Variants in GJB6 observed in about 807,000 individuals in gnomAD.
GJB6 encodes the protein gap junction beta-6 protein.
A neutral mutation model predicts 5.4 loss-of-function variants in GJB6; 5 were observed. That is an observed-to-expected ratio of 0.92 (90% CI 0.48 to 1.93). The LOEUF (loss-of-function observed/expected upper bound fraction) is 1.93, where lower values mean the gene tolerates loss of function less well. Among genes scored for constraint, GJB6 ranks in the 30% most tolerant of loss-of-function variants. The pLI, the probability that GJB6 is intolerant of heterozygous loss-of-function variation, is 0.01. For missense variants in GJB6, 298 were observed against 326.9 expected (o/e 0.91, Z 0.68); for synonymous variants, 136 against 129.6 (o/e 1.05, Z -0.34).
In GJB6 at chr13:20,222,745, C is replaced by G. The variant is rs781689203; in HGVS notation, c.736G>C (p.Glu246Gln). ...TTTTGACCACTATCTGAAATCAGCT[C>G]ATTCATTTCATTCTGCTTACTCTCC... is the stretch of plus-strand genomic sequence containing the variant. The part of the protein sequence containing the change: ...LKESKQNEMN[E>Q]LISDSGQNAI... Residue 246 changes from glutamate (E) to glutamine (Q), a missense_variant, in exon 5 of 5, where the codon GAG (glutamate) becomes CAG (glutamine). Coordinates refer to ENST00000647029, the MANE Select transcript of GJB6 (RefSeq NM_001110219.3). 1 of 1,614,096 alleles carries G rather than the reference C, an allele frequency of 6.2e-7. No individual in the cohort carries two copies. Among genetic ancestry groups the G allele is most frequent in the Non-Finnish European group, 8.5e-7 (1 of 1,179,952 alleles).
chr13:20,223,123 C>G lies in GJB6; in HGVS notation c.358G>C (p.Asp120His), dbSNP rs193292569. Reference protein sequence around the residue: ...EKRNDFKDIEDIKKQKVRIEG... With the variant: ...EKRNDFKDIEHIKKQKVRIEG... ...ATCCGAACCTTCTGCTTTTTAATGTCCTCTATGTCTTTGAAATCATTCCTC... is the reference window on the plus strand; with the variant it reads ...ATCCGAACCTTCTGCTTTTTAATGTGCTCTATGTCTTTGAAATCATTCCTC... The change falls in exon 5 of 5, where the codon GAC becomes CAC. Residue 120 changes from aspartate (D) to histidine (H), a missense_variant. By Grantham distance (81) the Asp-to-His change is moderately conservative. Coordinates refer to ENST00000647029, the MANE Select transcript of GJB6 (RefSeq NM_001110219.3). 1 of 1,614,158 alleles carries G rather than the reference C, an allele frequency of 6.2e-7. No individual in the cohort carries two copies. Among genetic ancestry groups the G allele is most frequent in the East Asian group, 2.2e-5 (1 of 44,886 alleles).
intron 4 of GJB6, among the ~76,000 whole-genome samples, chr13:20,227,448 A>T (rs1391713044): frequency 6.6e-6 from 1 of 152,136 alleles, no homozygotes; most frequent in East Asian, 1.9e-4. Context: ...TCCTCCTGCA[A>T]GAGCCACAAA....
chr13:20,226,632 A>G (rs1869597849), intron 4 of GJB6, among the ~76,000 whole-genome samples: 1 of 152,230 alleles, frequency 6.6e-6, no homozygotes, highest in South Asian at 2.1e-4. Flanking sequence ...TCTCAAAAGC[A>G]TTTCAAAATG....
rs104894414 is a variant in GJB6, at chr13:20,223,467, G to A, written c.14C>T (p.Thr5Met). The A allele has an allele frequency of 8.7e-6, 14 of 1,613,878 alleles. No individual in the cohort carries two copies. Among genetic ancestry groups the A allele is most frequent in the Middle Eastern group, 3.3e-4 (2 of 6,082 alleles). Residue 5 changes from threonine (T) to methionine (M), a missense_variant, in exon 5 of 5, where the codon ACG (threonine) becomes ATG (methionine). Coordinates refer to ENST00000647029, the MANE Select transcript of GJB6 (RefSeq NM_001110219.3). ...GACACCCCCGATGAAAGTGTGCAGC[G>A]TCCCCCAATCCATTGCGCTGGTTTA... is the stretch of plus-strand genomic sequence containing the variant. Reference protein sequence around the residue: MDWGTLHTFIGGVNK... With the variant: MDWGMLHTFIGGVNK...
chr13:20,229,123 CAAAA>C (rs5802041), intron 4 of GJB6, among the ~76,000 whole-genome samples: 201 of 43,854 alleles, frequency 4.6e-3, no homozygotes, highest in African/African-American at 0.018. Flanking sequence ...TGTCATTTAG[CAAAA>C]AAAAAAAAAA....
intron 1 of GJB6, 119 bp from the exon 2 acceptor site, chr13:20,231,624 T>G (rs1283073018): frequency 2.6e-5 from 4 of 152,252 alleles, no homozygotes; most frequent in Admixed American, 2.0e-4. Context: ...CGGGGACTTA[T>G]GCATCGGCCC....
chr13:20,231,299 G>C (rs910940499), intron 2 of GJB6, 83 bp downstream of exon 2: 1 of 152,250 alleles, frequency 6.6e-6, no homozygotes, highest in Admixed American at 6.5e-5. Flanking sequence ...AGGGGACACT[G>C]AGGTCGCTGG....
intron 4 of GJB6, among the ~76,000 whole-genome samples, chr13:20,224,653 C>A (rs1869452595): frequency 1.3e-5 from 2 of 152,172 alleles, no homozygotes; most frequent in South Asian, 4.1e-4. Context: ...CAAACAGCTG[C>A]CTTCTTAGCC....
rs533982140 is a variant in GJB6, at chr13:20,229,597, C to T, written c.-33G>A. On this transcript the variant is annotated 5_prime_UTR_variant, in exon 4 of 5. Transcript: ENST00000647029. Reference sequence around the variant, plus strand: ...AAGCAAACCTGAGTCCTGTTTCCAACGACTGCCAGTGTTTCAGACCCAAAG... The same window carrying T: ...AAGCAAACCTGAGTCCTGTTTCCAATGACTGCCAGTGTTTCAGACCCAAAG... 8.5e-5 allele frequency: 13 copies of T among 152,218 alleles called. No individual in the cohort carries two copies. The highest frequency in any genetic ancestry group is 1.9e-4 in the East Asian group (1 of 5,190). The allele number at this position is 152,218 out of a possible 1,614,324, so 9.4% of individuals were successfully genotyped here.
chr13:20,223,006 T>C lies in GJB6; in HGVS notation c.475A>G (p.Asn159Asp). 3 of 1,614,130 alleles carry C rather than the reference T, an allele frequency of 1.9e-6. No individual in the cohort carries two copies. Among genetic ancestry groups the C allele is most frequent in the South Asian group, 1.1e-5 (1 of 91,080 alleles). ...AACACCCAGGGCAGGTGGTACCCAT[T>C]GTAAAGGAAGTAAAACACATACATA... ...AFMYVFYFLY[N>D]GYHLPWVLKC... The change falls in exon 5 of 5, where the codon AAT (asparagine) becomes GAT (aspartate). Residue 159 changes from asparagine (N) to aspartate (D), a missense_variant. Asn to Asp is a conservative substitution (Grantham distance 23). Coordinates refer to ENST00000647029, the MANE Select transcript of GJB6 (RefSeq NM_001110219.3).
chr13:20,228,692 G>A (rs1454151074), intron 4 of GJB6, among the ~76,000 whole-genome samples: 4 of 35,812 alleles, frequency 1.1e-4, no homozygotes, highest in South Asian at 6.6e-3. Flanking sequence ...CACCGTGTTA[G>A]CCAGGATGGT....
chr13:20,227,793 T>C (rs1042823402), intron 4 of GJB6, among the ~76,000 whole-genome samples: 4 of 152,224 alleles, frequency 2.6e-5, no homozygotes, highest in African/African-American at 4.8e-5. Flanking sequence ...AGCACATTGC[T>C]GCCATTACTG....
Position 20,226,097 on chromosome 13 carries a change from G to T in GJB6, c.-15-2602C>A, listed in dbSNP as rs575533929. On this transcript the variant is annotated intron_variant, in intron 4 of 4. Coordinates refer to ENST00000647029, the MANE Select transcript of GJB6 (RefSeq NM_001110219.3). ...CCTGGCCCTCGGGGGCGCATCAACA[G>T]GTGTGTGGACAGATGGAAGAGGCTG... Among the ~76,000 whole-genome samples, 220 of 152,148 alleles carry T rather than the reference G, an allele frequency of 1.4e-3. 1 individual carries two copies. Among genetic ancestry groups the T allele is most frequent in the African/African-American group, 5.1e-3 (212 of 41,496 alleles).
Position 20,222,952 on chromosome 13 carries a change from G to A in GJB6, c.529C>T (p.Leu177Phe). 1.2e-6 allele frequency: 2 copies of A among 1,614,180 alleles called. No homozygotes were observed. The highest frequency in any genetic ancestry group is 1.7e-6 in the Non-Finnish European group (2 of 1,180,026). The change falls in exon 5 of 5, where the codon CTT (leucine) becomes TTT (phenylalanine). Residue 177 changes from leucine to phenylalanine, a missense_variant. Transcript: ENST00000647029. ...LKCGIDPCPNLVDCFISRPTE... is the reference protein window; with the variant it reads ...LKCGIDPCPNFVDCFISRPTE... ...GGCCTAGAAATAAAGCAGTCAACAAGGTTGGGGCAGGGGTCAATCCCACAT... is the reference window on the plus strand; with the variant it reads ...GGCCTAGAAATAAAGCAGTCAACAAAGTTGGGGCAGGGGTCAATCCCACAT...
chr13:20,231,781 C>T (rs1046441251), intron 1 of GJB6, among the ~76,000 whole-genome samples: 1 of 152,368 alleles, frequency 6.6e-6, no homozygotes, highest in South Asian at 2.1e-4. Flanking sequence ...CCGGCCCTCA[C>T]TCTGGCCTCT....
Position 20,223,189 on chromosome 13 carries a change from A to C in GJB6, c.292T>G (p.Tyr98Asp). The change falls in exon 5 of 5, where the codon TAC becomes GAC. Residue 98 changes from tyrosine (Y) to aspartate (D), a missense_variant. Transcript: ENST00000647029. Reference sequence around the variant, plus strand: ...AACTTGCGAGTGGTTTCGTGCCTGTAGTAGGCCACATGCATGGCCACCAGC... The same window carrying C: ...AACTTGCGAGTGGTTTCGTGCCTGTCGTAGGCCACATGCATGGCCACCAGC... ...ALLVAMHVAY[Y>D]RHETTRKFRR... 1 of 1,612,262 alleles carries C rather than the reference A, an allele frequency of 6.2e-7. No individual in the cohort carries two copies. Among genetic ancestry groups the C allele is most frequent in the Non-Finnish European group, 8.5e-7 (1 of 1,178,522 alleles).
At position 20,223,238 on chromosome 13, in the gene GJB6, C is replaced by A. The variant is rs267603772; in HGVS notation, c.243G>T (p.Leu81=). The part of the protein sequence containing the change: ...VSHIRLWALQ[L]IFVSTPALLV... ...GCAGCGCTGGGGTGGAGACGAAGATCAGCTGGAGGGCCCACAGCCGGATGT... is the reference window on the plus strand; with the variant it reads ...GCAGCGCTGGGGTGGAGACGAAGATAAGCTGGAGGGCCCACAGCCGGATGT... The change falls in exon 5 of 5, where the codon CTG becomes CTT. Residue 81 remains leucine (L), a synonymous_variant. Transcript: ENST00000647029. 1 of 1,610,356 alleles carries A rather than the reference C, an allele frequency of 6.2e-7. No homozygotes were observed.
At chr13:20,225,621 A>G (rs1869523371) in intron 4 of GJB6, 1 of 152,178 alleles carries the variant, frequency 6.6e-6, no homozygotes, top group African/African-American at 2.4e-5. Context: ...ATTATTCAGA[A>G]TGAAAAGAGG....
At chr13:20,230,544 G>A (rs1167038175) in intron 3 of GJB6, among the ~76,000 whole-genome samples, 154 bp downstream of exon 3, 13 of 152,180 alleles carry the variant, frequency 8.5e-5, no homozygotes, top group Admixed American at 8.5e-4. Flanking sequence ...CTATGCTCAT[G>A]CACTAAGCAA....
Sources: gnomAD v4.1 joint callset for allele counts (sites outside exome capture counted in the v4.1 genomes callset) on GRCh38, gnomAD v4.1.1 for gene constraint, MANE v1.5 for transcripts, NCBI Gene and HGNC (gene_info 2026-07-23, HGNC 2026-07-21) for gene names.